The following MID1 variants were observed in gnomAD, a reference collection of about 807,000 sequenced individuals.
MID1 encodes the protein E3 ubiquitin-protein ligase Midline-1.
MID1 carries 7 observed loss-of-function variants against 40.4 expected under a neutral mutation model. That is an observed-to-expected ratio of 0.17 (90% CI 0.10 to 0.33). The LOEUF (loss-of-function observed/expected upper bound fraction) is 0.33, where lower values mean the gene tolerates loss of function less well. Among genes scored for constraint, MID1 ranks in the 10% least tolerant of loss-of-function variants. MID1 has a pLI of 1.00. For synonymous variants in MID1, 229 were observed against 221.2 expected (o/e 1.04, Z -0.31); for missense variants, 367 against 558.5 (o/e 0.66, Z 3.46).
In MID1 at chrX:10,449,389, G is replaced by GCTGC; in HGVS notation, c.1982_1983insGCAG (p.Asp661GlufsTer53). The GCTGC allele has an allele frequency of 5.0e-6, 6 of 1,210,921 alleles. No homozygotes were observed. Among genetic ancestry groups the GCTGC allele is most frequent in the Non-Finnish European group, 6.7e-6 (6 of 894,856 alleles). On this transcript the variant is annotated frameshift_variant, in exon 10 of 10. Coordinates refer to ENST00000317552, the MANE Select transcript of MID1 (RefSeq NM_000381.4). LOFTEE classifies it high-confidence loss of function. ...ACGCTCACGGCAGCTGCTCTGTGCA[G>GCTGC]TCCAAATGGTCTGGGATAGGGAGCC...
intron 1 of MID1, among the ~76,000 whole-genome samples, chrX:10,794,417 T>G (rs1030597429): frequency 4.5e-5 from 5 of 112,190 alleles, no homozygotes; most frequent in Non-Finnish European, 7.5e-5. Context: ...GTCATAGAAA[T>G]GTAGCAAACA....
intron 1 of MID1, among the ~76,000 whole-genome samples, chrX:10,759,595 C>T (rs1315573722): frequency 9.1e-6 from 1 of 110,387 alleles, no homozygotes; most frequent in East Asian, 2.9e-4. Flanking sequence ...GAGGGAGTGC[C>T]CTGATGTTTC....
At chrX:10,519,252 TA>T (rs1366175673) in intron 3 of MID1, among the ~76,000 whole-genome samples, 6 of 111,900 alleles carry the variant, frequency 5.4e-5, no homozygotes, top group Non-Finnish European at 1.1e-4. Context: ...CTTACTATCC[TA>T]AACATCAAAT....
At chrX:10,737,085 C>T (rs747652110) in intron 1 of MID1, among the ~76,000 whole-genome samples, 22 of 112,140 alleles carry the variant, frequency 2.0e-4, no homozygotes, top group African/African-American at 7.1e-4. Flanking sequence ...CTTATAAAAA[C>T]TCTCTGTATT....
At chrX:10,525,779 C>T (rs961784516) in intron 2 of MID1, among the ~76,000 whole-genome samples, 1 of 112,085 alleles carries the variant, frequency 8.9e-6, no homozygotes, top group Admixed American at 9.5e-5. Context: ...GAGAAGATGT[C>T]AGGTTCCCTT....
intron 1 of MID1, among the ~76,000 whole-genome samples, chrX:10,587,694 C>G (rs1234307379): frequency 8.9e-6 from 1 of 112,351 alleles, no homozygotes; most frequent in Non-Finnish European, 1.9e-5. Flanking sequence ...TCTTGGTATG[C>G]TGTCTTAATT....
intron 3 of MID1, among the ~76,000 whole-genome samples, chrX:10,510,808 GCA>G (rs1271259635): frequency 4.8e-5 from 4 of 82,842 alleles, no homozygotes; most frequent in Non-Finnish European, 8.8e-5. Context: ...CTCCAGCCTG[GCA>G]ACAGAGCAAG....
chrX:10,789,789 G>A (rs983432078), intron 1 of MID1, among the ~76,000 whole-genome samples: 1 of 111,853 alleles, frequency 8.9e-6, no homozygotes, highest in African/African-American at 3.3e-5. Context: ...AGGGGAACGA[G>A]TTCATCATTC....
intron 2 of MID1, among the ~76,000 whole-genome samples, chrX:10,545,094 C>T (rs1894744): frequency 0.1 from 11,313 of 110,605 alleles, 986 homozygotes; most frequent in African/African-American, 0.29. Flanking sequence ...GTAGCTGGGA[C>T]TACAGGCACA....
At chrX:10,579,546 T>C (rs1238631269) in intron 1 of MID1, among the ~76,000 whole-genome samples, 2 of 111,776 alleles carry the variant, frequency 1.8e-5, no homozygotes, top group Non-Finnish European at 3.8e-5. Context: ...CTGATTCCCA[T>C]TGTGTGAGCA....
chrX:10,630,910 A>G (rs1300113086), intron 1 of MID1, among the ~76,000 whole-genome samples: 1 of 110,592 alleles, frequency 9.0e-6, no homozygotes, highest in Non-Finnish European at 1.9e-5. Context: ...CAGCTGGGAG[A>G]ATGAAGTCAC....
intron 2 of MID1, among the ~76,000 whole-genome samples, chrX:10,553,317 C>T (rs1933997925): frequency 9.2e-6 from 1 of 109,126 alleles, no homozygotes; most frequent in South Asian, 3.9e-4. Context: ...TACGTATGAA[C>T]CCTGAGTGGC....
At chrX:10,574,011 C>T (rs1267552948) in intron 1 of MID1, among the ~76,000 whole-genome samples, 1 of 111,761 alleles carries the variant, frequency 8.9e-6, no homozygotes, top group Non-Finnish European at 1.9e-5. Flanking sequence ...TCTACTCCTC[C>T]CTCTTTGGGG....
chrX:10,794,920 A>G (rs2043958078), intron 1 of MID1, among the ~76,000 whole-genome samples: 4 of 111,770 alleles, frequency 3.6e-5, no homozygotes. Flanking sequence ...ATTTACACAT[A>G]TACTGAGCCA....
At chrX:10,505,308 T>C in intron 3 of MID1, 2 of 741,047 alleles carry the variant, frequency 2.7e-6, no homozygotes, top group Non-Finnish European at 3.2e-6. Flanking sequence ...TTCAATCTTA[T>C]ATTCTTGGCA....
chrX:10,813,113 G>A (rs1189452133), intron 1 of MID1, among the ~76,000 whole-genome samples: 1 of 110,037 alleles, frequency 9.1e-6, no homozygotes, highest in Non-Finnish European at 1.9e-5. Context: ...AGGTCTCTTG[G>A]AGGAGAGGTC....
At chrX:10,788,229 GTA>G (rs761736001) in intron 1 of MID1, among the ~76,000 whole-genome samples, 1 of 111,693 alleles carries the variant, frequency 9.0e-6, no homozygotes, top group Admixed American at 9.5e-5. Context: ...GTATAAAATA[GTA>G]ATATTTTATG....
intron 1 of MID1, among the ~76,000 whole-genome samples, chrX:10,775,804 G>C (rs2043798874): frequency 9.0e-6 from 1 of 111,223 alleles, no homozygotes; most frequent in Non-Finnish European, 1.9e-5. Flanking sequence ...TTGAAAACCA[G>C]GTGACCTCAG....
intron 8 of MID1, among the ~76,000 whole-genome samples, chrX:10,456,183 C>G (rs933425687): frequency 1.8e-5 from 2 of 112,444 alleles, no homozygotes; most frequent in East Asian, 5.6e-4. Context: ...GAGTATAGGA[C>G]AGTGTGTGTT....
Sources: gnomAD v4.1 joint callset for allele counts (sites outside exome capture counted in the v4.1 genomes callset) on GRCh38, gnomAD v4.1.1 for gene constraint, MANE v1.5 for transcripts, NCBI Gene and HGNC (gene_info 2026-07-23, HGNC 2026-07-21) for gene names.